Variants in TTC39C observed in about 807,000 individuals in gnomAD.
TTC39C encodes tetratricopeptide repeat protein 39C.
Under a neutral mutation model 76.3 loss-of-function variants are expected in TTC39C, and 33 were observed. The ratio of observed to expected loss-of-function variants is 0.43; its 90% confidence interval spans 0.33 to 0.58. The LOEUF (loss-of-function observed/expected upper bound fraction) is 0.58, where lower values mean the gene tolerates loss of function less well. TTC39C is among the 20% of genes least tolerant of loss of function. The pLI, the probability that TTC39C is intolerant of heterozygous loss-of-function variation, is 0.04. For missense variants in TTC39C, 595 were observed against 701.4 expected, an observed-to-expected ratio of 0.85 and a Z score of 1.71; for synonymous variants, 254 against 260.6, an observed-to-expected ratio of 0.97 and a Z score of 0.24.
At chr18:24,092,175 G>A (rs2084531114) in intron 6 of TTC39C, among the ~76,000 whole-genome samples, 1 of 147,770 alleles carries the variant, frequency 6.8e-6, no homozygotes, top group Admixed American at 6.8e-5. Context: ...AAGGAAGATA[G>A]GCAGTATCAT....
intron 6 of TTC39C, among the ~76,000 whole-genome samples, chr18:24,094,816 A>G (rs1250753616): frequency 6.6e-6 from 1 of 152,246 alleles, no homozygotes. Flanking sequence ...ACACAGGAAG[A>G]GGAAGAGTAG....
chr18:24,124,762 T>C (rs931819196), intron 9 of TTC39C, among the ~76,000 whole-genome samples: 2 of 152,260 alleles, frequency 1.3e-5, no homozygotes, highest in Admixed American at 1.3e-4. Context: ...AAAAGGCATC[T>C]AGTCTTAGTT....
At chr18:24,034,939 G>A (rs2083714790) in intron 1 of TTC39C, among the ~76,000 whole-genome samples, 1 of 152,176 alleles carries the variant, frequency 6.6e-6, no homozygotes, top group Non-Finnish European at 1.5e-5. Flanking sequence ...TGTGAACATG[G>A]ATGTCCAAAT....
At chr18:24,092,205 T>C (rs1407159541) in intron 6 of TTC39C, among the ~76,000 whole-genome samples, 1 of 143,668 alleles carries the variant, frequency 7.0e-6, no homozygotes, top group East Asian at 2.1e-4. Flanking sequence ...AGGAAACAAA[T>C]CAAAACCAAG....
At chr18:24,020,915 A>G (rs755956346) in intron 1 of TTC39C, among the ~76,000 whole-genome samples, 7 of 152,064 alleles carry the variant, frequency 4.6e-5, no homozygotes, top group Non-Finnish European at 1.0e-4. Flanking sequence ...TTAAAGGGAG[A>G]GAGAAGTAAT....
chr18:24,023,993 TATATATATATATATATATATA>T (rs2083561288), intron 1 of TTC39C, among the ~76,000 whole-genome samples: 1 of 5,898 alleles, frequency 1.7e-4, no homozygotes, highest in African/African-American at 5.7e-4. Context: ...TATATATATA[TATATATATATATATATATATA>T]TATTTTTTTT....
chr18:23,996,846 A>G (rs966727565), intron 1 of TTC39C, among the ~76,000 whole-genome samples: 2 of 151,644 alleles, frequency 1.3e-5, no homozygotes, highest in Admixed American at 6.6e-5. Context: ...ACAGTGGCTC[A>G]CGCCTGTAAT....
At chr18:24,126,392 C>T (rs1851552114) in intron 10 of TTC39C, among the ~76,000 whole-genome samples, 1 of 139,878 alleles carries the variant, frequency 7.1e-6, no homozygotes, top group Non-Finnish European at 1.5e-5. Context: ...TTTTTATCAT[C>T]AGATTTCCTG....
chr18:24,116,198 C>T (rs1158134984), intron 7 of TTC39C, among the ~76,000 whole-genome samples: 1 of 152,226 alleles, frequency 6.6e-6, no homozygotes, highest in African/African-American at 2.4e-5. Flanking sequence ...CCTTCCATCT[C>T]TATTTTGTAT....
chr18:24,056,617 C>A (rs932589494), intron 1 of TTC39C, among the ~76,000 whole-genome samples: 1 of 151,896 alleles, frequency 6.6e-6, no homozygotes, highest in African/African-American at 2.4e-5. Context: ...ATTGGAGAGA[C>A]CTTAAAAAAA....
intron 1 of TTC39C, among the ~76,000 whole-genome samples, chr18:24,002,468 A>G (rs1242226129): frequency 6.6e-6 from 1 of 152,214 alleles, no homozygotes; most frequent in Admixed American, 6.5e-5. Flanking sequence ...TTTTAAGGGC[A>G]GGTGGTGTTG....
intron 6 of TTC39C, among the ~76,000 whole-genome samples, chr18:24,096,133 T>C (rs577703461): frequency 6.6e-6 from 1 of 152,308 alleles, no homozygotes; most frequent in Non-Finnish European, 1.5e-5. Context: ...TTTGAAGTAT[T>C]GGGAGAATTA....
upstream of TTC39C, among the ~76,000 whole-genome samples, chr18:24,013,641 C>A (rs139903380): frequency 7.6e-3 from 1,155 of 152,310 alleles, 9 homozygotes; most frequent in South Asian, 0.046. Flanking sequence ...CTAAAAACGA[C>A]AGCGACTCAA....
At chr18:24,118,942 C>T (rs558461472) in intron 8 of TTC39C, among the ~76,000 whole-genome samples, 54 of 152,286 alleles carry the variant, frequency 3.5e-4, no homozygotes, top group African/African-American at 1.2e-3. Context: ...AGGCATGAGC[C>T]TCAGAGCCTG....
intron 1 of TTC39C, chr18:24,000,351 G>A (rs1221181700): frequency 6.6e-6 from 1 of 152,192 alleles, no homozygotes; most frequent in East Asian, 1.9e-4. Context: ...TAGAGGGAAG[G>A]CAAGGTAAAG....
intron 4 of TTC39C, among the ~76,000 whole-genome samples, chr18:24,075,713 A>T (rs573328319): frequency 3.2e-4 from 49 of 151,870 alleles, no homozygotes; most frequent in African/African-American, 1.0e-3. Context: ...ACAAAAAAAA[A>T]ACCTCTATTA....
Position 24,061,226 on chromosome 18 carries a change from CTTTT to C in TTC39C, c.168-2904_168-2901del, listed in dbSNP as rs1220887860. Among the ~76,000 whole-genome samples, 24 of 139,480 alleles carry C rather than the reference CTTTT, an allele frequency of 1.7e-4. 1 individual carries two copies. Among genetic ancestry groups the C allele is most frequent in the African/African-American group, 4.8e-4 (18 of 37,646 alleles). 91.5% of individuals were successfully genotyped at this position (139,480 alleles called of 152,430 possible). A position where few individuals can be genotyped will look rare whatever the true frequency, so the allele number is the denominator to read the frequency against. On this transcript the variant is annotated intron_variant, in intron 1 of 13. Transcript: ENST00000317571. ...TCAATATCAGCAAATATTTAGTCTT[CTTTT>C]TTTTTTTTTAAAAAAATAGGTTTTT...
Position 24,014,769 on chromosome 18 carries a change from C to T in TTC39C, c.-103C>T. ...CCCCTCCCCTCCCCTCCCCTCCCGGCTCCGCTTGGCTCCGGGCAGGTAGAG... is the reference window on the plus strand; with the variant it reads ...CCCCTCCCCTCCCCTCCCCTCCCGGTTCCGCTTGGCTCCGGGCAGGTAGAG... On this transcript the variant is annotated 5_prime_UTR_variant, in exon 1 of 14. Transcript: ENST00000317571. 1.7e-6 allele frequency: 2 copies of T among 1,162,224 alleles called. No homozygotes were observed. The highest frequency in any genetic ancestry group is 2.1e-6 in the Non-Finnish European group (2 of 941,798). 72.0% of individuals were successfully genotyped at this position (1,162,224 alleles called of 1,614,324 possible). A position where few individuals can be genotyped will look rare whatever the true frequency, so the allele number is the denominator to read the frequency against.
intron 6 of TTC39C, among the ~76,000 whole-genome samples, chr18:24,111,267 A>C (rs1033336607): frequency 2.0e-5 from 3 of 151,992 alleles, no homozygotes; most frequent in Admixed American, 6.6e-5. Context: ...TTTTATGATG[A>C]CAAATTAAGA....
Sources: gnomAD v4.1 joint callset for allele counts (sites outside exome capture counted in the v4.1 genomes callset) on GRCh38, gnomAD v4.1.1 for gene constraint, MANE v1.5 for transcripts, NCBI Gene and HGNC (gene_info 2026-07-23, HGNC 2026-07-21) for gene names.